CBFA2T2: variants seen among roughly 807,000 people sequenced by gnomAD.
The protein encoded by CBFA2T2 is protein CBFA2T2.
In CBFA2T2, 11 loss-of-function variants were observed where a neutral mutation model predicts 62.2. The observed-to-expected ratio is 0.18, with a 90% CI of 0.11 to 0.29. CBFA2T2 has a LOEUF of 0.29. Ranked by LOEUF, CBFA2T2 falls within the 10% of genes least tolerant of loss-of-function variation. The probability of loss-of-function intolerance (pLI) is 1.00; values close to 1 mark genes in which losing one functional copy is unlikely to be tolerated. For missense variants in CBFA2T2, 592 were observed against 774.1 expected (o/e 0.76, Z 2.79); for synonymous variants, 295 against 287.5 (o/e 1.03, Z -0.27).
chr20:33,575,756 A>C (rs1474083835), intron 1 of CBFA2T2, among the ~76,000 whole-genome samples: 1 of 152,056 alleles, frequency 6.6e-6, no homozygotes, highest in Non-Finnish European at 1.5e-5. Context: ...CAATATGACA[A>C]ATGACATCAC....
At chr20:33,632,419 T>C (rs566504242) in intron 8 of CBFA2T2, among the ~76,000 whole-genome samples, 2 of 152,228 alleles carry the variant, frequency 1.3e-5, no homozygotes, top group East Asian at 3.9e-4. Context: ...TTGAGTAGCA[T>C]TGTCCTATAT....
chr20:33,567,830 C>T (rs1264328605), intron 1 of CBFA2T2, among the ~76,000 whole-genome samples: 1 of 151,734 alleles, frequency 6.6e-6, no homozygotes, highest in Non-Finnish European at 1.5e-5. Flanking sequence ...GTGATCTACC[C>T]GCTTCGGCCT....
At chr20:33,549,183 A>G (rs925298938) in intron 1 of CBFA2T2, among the ~76,000 whole-genome samples, 9 of 152,224 alleles carry the variant, frequency 5.9e-5, no homozygotes, top group Admixed American at 3.9e-4. Flanking sequence ...AAAATTATTA[A>G]AAACTATTTG....
At chr20:33,517,432 G>GT (rs1248639279) in intron 1 of CBFA2T2, among the ~76,000 whole-genome samples, 2 of 147,380 alleles carry the variant, frequency 1.4e-5, no homozygotes, top group Non-Finnish European at 3.0e-5. Context: ...CATAGGACTG[G>GT]TTTTTTTGGT....
chr20:33,543,558 G>A (rs933221454), intron 1 of CBFA2T2, among the ~76,000 whole-genome samples: 5 of 152,170 alleles, frequency 3.3e-5, no homozygotes, highest in African/African-American at 1.2e-4. Flanking sequence ...AGCCTCCATG[G>A]AGAAGGCAAC....
chr20:33,623,204 CCTT>C lies in CBFA2T2; in HGVS notation c.603_605del (p.Leu203del), dbSNP rs769157020. The C allele has an allele frequency of 1.1e-5, 17 of 1,614,268 alleles. No individual in the cohort carries two copies. The highest frequency in any genetic ancestry group is 6.7e-5 in the East Asian group (3 of 44,890). Reference sequence around the variant, plus strand: ...CCCAGTACCTGGCTCAGCACGAACACCTTCTGCTCAACACAAGCATTGCATCGC... The same window carrying C: ...CCCAGTACCTGGCTCAGCACGAACACCTGCTCAACACAAGCATTGCATCGC... On this transcript the variant is annotated inframe_deletion, in exon 5 of 11. Coordinates refer to ENST00000342704, the MANE Select transcript of CBFA2T2 (RefSeq NM_001032999.3).
intron 1 of CBFA2T2, among the ~76,000 whole-genome samples, chr20:33,559,611 C>G (rs763918625): frequency 3.3e-5 from 5 of 152,094 alleles, no homozygotes; most frequent in Admixed American, 6.6e-5. Context: ...CTCAGCCTCC[C>G]AAGTAGCTTG....
At chr20:33,620,967 CAACAAAGAA>C (rs1212518047) in intron 4 of CBFA2T2, among the ~76,000 whole-genome samples, 3 of 152,178 alleles carry the variant, frequency 2.0e-5, no homozygotes, top group Non-Finnish European at 4.4e-5. Context: ...ATGTCTTTTA[CAACAAAGAA>C]AAACTTGGGA....
intron 1 of CBFA2T2, among the ~76,000 whole-genome samples, chr20:33,503,498 C>G (rs558234272): frequency 6.6e-6 from 1 of 152,222 alleles, no homozygotes; most frequent in South Asian, 2.1e-4. Flanking sequence ...CGTGATCCGC[C>G]CGCCTCGGCC....
At chr20:33,505,784 A>G (rs961592272) in intron 1 of CBFA2T2, among the ~76,000 whole-genome samples, 1 of 149,108 alleles carries the variant, frequency 6.7e-6, no homozygotes, top group African/African-American at 2.4e-5. Context: ...TCTTGTTTCA[A>G]AAAAAAAAAG....
intron 3 of CBFA2T2, among the ~76,000 whole-genome samples, chr20:33,612,076 T>G (rs1365007338): frequency 6.6e-6 from 1 of 152,202 alleles, no homozygotes; most frequent in Non-Finnish European, 1.5e-5. Flanking sequence ...GTGGCCTAAA[T>G]AAATACTATC....
rs1183371343 is a variant in CBFA2T2, at chr20:33,600,182, G to GTTTT, written c.35-6748_35-6745dup. Among the ~76,000 whole-genome samples, 108 of 62,076 alleles carry GTTTT rather than the reference G, an allele frequency of 1.7e-3. 7 individuals carry two copies. Among genetic ancestry groups the GTTTT allele is most frequent in the East Asian group, 2.5e-3 (4 of 1,596 alleles). The allele number at this position is 62,076 out of a possible 152,430, so 40.7% of individuals were successfully genotyped here. ...AAGTTAGAATTATCACTTTTGGAAA[G>GTTTT]TTTTTTTTTTTTTTTTTTTTTTTTT... On this transcript the variant is annotated intron_variant, in intron 1 of 10. Coordinates refer to ENST00000342704, the MANE Select transcript of CBFA2T2 (RefSeq NM_001032999.3).
Position 33,645,689 on chromosome 20 carries a change from C to G in CBFA2T2, c.*1043C>G, listed in dbSNP as rs1466883790. On this transcript the variant is annotated 3_prime_UTR_variant, in exon 11 of 11. Coordinates refer to ENST00000342704, the MANE Select transcript of CBFA2T2 (RefSeq NM_001032999.3). ...GGTTGGTAGGACTTGCCCCCACTGTCAAGGCCTGGTCTCATCTGAAAAGCC... is the reference window on the plus strand; with the variant it reads ...GGTTGGTAGGACTTGCCCCCACTGTGAAGGCCTGGTCTCATCTGAAAAGCC... The G allele has an allele frequency of 1.3e-5, 2 of 152,220 alleles. No homozygotes were observed. Among genetic ancestry groups the G allele is most frequent in the Non-Finnish European group, 2.9e-5 (2 of 68,064 alleles). 9.4% of individuals were successfully genotyped at this position (152,220 alleles called of 1,614,324 possible). A position where few individuals can be genotyped will look rare whatever the true frequency, so the allele number is the denominator to read the frequency against.
intron 1 of CBFA2T2, among the ~76,000 whole-genome samples, chr20:33,551,859 A>G (rs2012751529): frequency 6.6e-6 from 1 of 151,944 alleles, no homozygotes; most frequent in South Asian, 2.1e-4. Flanking sequence ...AAAATCTTCT[A>G]TCACTATTAA....
chr20:33,500,834 A>G (rs1427412210), intron 1 of CBFA2T2, among the ~76,000 whole-genome samples: 1 of 152,246 alleles, frequency 6.6e-6, no homozygotes, highest in Non-Finnish European at 1.5e-5. Context: ...TTAAAAAAAT[A>G]AAAAGGCAAC....
chr20:33,597,676 C>A lies in CBFA2T2; in HGVS notation c.35-9280C>A, dbSNP rs372722853. Among the ~76,000 whole-genome samples, 56 of 152,224 alleles carry A rather than the reference C, an allele frequency of 3.7e-4. 1 individual carries two copies. The highest frequency in any genetic ancestry group is 1.3e-3 in the African/African-American group (55 of 41,542). ...GTTTCATCCTGAAACCACTCCCTAC[C>A]CCACCCCCAGTTAGTGGAGTGCAAT... On this transcript the variant is annotated intron_variant, in intron 1 of 10. Transcript: ENST00000342704.
At chr20:33,531,009 G>A (rs754965366) in intron 1 of CBFA2T2, among the ~76,000 whole-genome samples, 4 of 152,084 alleles carry the variant, frequency 2.6e-5, no homozygotes, top group Admixed American at 2.6e-4. Flanking sequence ...CTTGAACCTA[G>A]GAGGCGGAGG....
intron 1 of CBFA2T2, among the ~76,000 whole-genome samples, chr20:33,543,441 G>C (rs2012458783): frequency 6.6e-6 from 1 of 152,146 alleles, no homozygotes; most frequent in African/African-American, 2.4e-5. Context: ...TAACATTCAA[G>C]GCAGTTCGCA....
intron 1 of CBFA2T2, among the ~76,000 whole-genome samples, chr20:33,539,282 G>A (rs1039982514): frequency 6.6e-6 from 1 of 152,218 alleles, no homozygotes; most frequent in African/African-American, 2.4e-5. Flanking sequence ...ATAGCCATGT[G>A]CCTGCAACAC....
Sources: allele counts gnomAD v4.1 joint callset (sites outside exome capture counted in the v4.1 genomes callset), GRCh38; gene constraint gnomAD v4.1.1; transcripts MANE v1.5; gene names NCBI Gene and HGNC (gene_info 2026-07-23, HGNC 2026-07-21).